The following SUMF1 variants were observed in gnomAD, a reference collection of about 807,000 sequenced individuals.
SUMF1 encodes the protein formylglycine-generating enzyme.
In SUMF1, 48 loss-of-function variants were observed where a neutral mutation model predicts 47.6. The ratio of observed to expected loss-of-function variants is 1.01; its 90% confidence interval spans 0.80 to 1.28. The LOEUF (loss-of-function observed/expected upper bound fraction) is 1.28. Ranked by LOEUF, SUMF1 falls within the 50% of genes most tolerant of loss-of-function variation. The pLI is 0.00. For synonymous variants in SUMF1, 230 were observed against 192.1 expected, an observed-to-expected ratio of 1.20 and a Z score of -1.63; for missense variants, 571 against 485.4, an observed-to-expected ratio of 1.18 and a Z score of -1.66.
At chr3:4,324,947 C>T (rs1306524115) in intron 8 of SUMF1, among the ~76,000 whole-genome samples, 1 of 152,128 alleles carries the variant, frequency 6.6e-6, no homozygotes, top group East Asian at 1.9e-4. Context: ...CACAATTTCA[C>T]TTGGCTGGGA....
intron 8 of SUMF1, among the ~76,000 whole-genome samples, chr3:4,124,747 A>G (rs1019559114): frequency 5.3e-5 from 8 of 152,128 alleles, no homozygotes; most frequent in African/African-American, 1.9e-4. Flanking sequence ...TTTTAGCAAT[A>G]CCTACCTACA....
chr3:4,381,761 T>G (rs552554749), intron 7 of SUMF1, among the ~76,000 whole-genome samples: 1 of 152,308 alleles, frequency 6.6e-6, no homozygotes, highest in East Asian at 1.9e-4. Context: ...GTCAAAAATC[T>G]TGGCCAGGTG....
intron 8 of SUMF1, among the ~76,000 whole-genome samples, chr3:4,171,625 G>A (rs1332696158): frequency 3.9e-5 from 6 of 152,100 alleles, no homozygotes. Context: ...CCTCTGATAT[G>A]GAAGCACAAA....
chr3:4,166,885 G>A (rs185022557), intron 8 of SUMF1, among the ~76,000 whole-genome samples: 88 of 152,234 alleles, frequency 5.8e-4, no homozygotes, highest in Non-Finnish European at 1.1e-3. Flanking sequence ...AGAGTCGGGG[G>A]TGGTTAGAGA....
intron 7 of SUMF1, among the ~76,000 whole-genome samples, chr3:4,402,384 A>G (rs1701239848): frequency 6.6e-6 from 1 of 152,184 alleles, no homozygotes; most frequent in Non-Finnish European, 1.5e-5. Context: ...CTCTACCTCA[A>G]TCATATCCAT....
chr3:4,062,494 G>A (rs9853856), intron 9 of SUMF1, among the ~76,000 whole-genome samples: 29,960 of 152,030 alleles, frequency 0.2, 3,800 homozygotes, highest in Middle Eastern at 0.3. Context: ...GGAAGTGGTT[G>A]GTTCATGGAC....
chr3:4,296,097 G>T (rs1014088090), intron 8 of SUMF1, among the ~76,000 whole-genome samples: 3 of 139,400 alleles, frequency 2.2e-5, no homozygotes, highest in African/African-American at 8.3e-5. Context: ...ATAGAAAAAT[G>T]ACCCATATGC....
chr3:4,233,410 A>G (rs1696344033), intron 8 of SUMF1, among the ~76,000 whole-genome samples: 1 of 151,988 alleles, frequency 6.6e-6, no homozygotes, highest in African/African-American at 2.4e-5. Flanking sequence ...AGCCGTTTTC[A>G]TTTTTAATAT....
At chr3:4,044,406 C>T (rs1694969297) in intron 9 of SUMF1, among the ~76,000 whole-genome samples, 1 of 152,188 alleles carries the variant, frequency 6.6e-6, no homozygotes, top group East Asian at 1.9e-4. Context: ...ACAATAATTA[C>T]TAACACATTG....
At chr3:4,377,211 G>C (rs1014102545) in intron 7 of SUMF1, among the ~76,000 whole-genome samples, 4 of 152,044 alleles carry the variant, frequency 2.6e-5, no homozygotes, top group Admixed American at 2.0e-4. Context: ...GCTTTATTAA[G>C]ATATAATTAA....
intron 1 of SUMF1, among the ~76,000 whole-genome samples, chr3:4,458,077 C>T (rs1299459046): frequency 6.6e-6 from 1 of 151,970 alleles, no homozygotes; most frequent in Non-Finnish European, 1.5e-5. Context: ...GCAAAGGACC[C>T]GAATAGACAT....
intron 8 of SUMF1, among the ~76,000 whole-genome samples, chr3:4,165,634 G>T (rs1004658508): frequency 2.6e-5 from 4 of 152,084 alleles, no homozygotes; most frequent in African/African-American, 9.7e-5. Context: ...AGGTCAAGCT[G>T]CAGGATAGTA....
At chr3:4,376,522 G>A (rs895831286) in intron 7 of SUMF1, 133 bp from the exon 8 acceptor site, 1 of 913,550 alleles carries the variant, frequency 1.1e-6, no homozygotes, top group Non-Finnish European at 1.8e-6. Context: ...TCCACCCCTA[G>A]GCTTTGTATC....
downstream of SUMF1, among the ~76,000 whole-genome samples, chr3:4,359,791 G>C (rs1699701952): frequency 6.6e-6 from 1 of 152,070 alleles, no homozygotes; most frequent in South Asian, 2.1e-4. Flanking sequence ...TGGGGATTAT[G>C]GGAACTACAA....
intron 8 of SUMF1, among the ~76,000 whole-genome samples, chr3:4,113,305 G>A (rs888363443): frequency 1.3e-5 from 2 of 152,088 alleles, no homozygotes; most frequent in African/African-American, 4.8e-5. Flanking sequence ...AAGGCAGGAG[G>A]ATTGCTTGAG....
In SUMF1 at chr3:4,361,505, A is replaced by G. The variant is rs886058514; in HGVS notation, c.*639T>C. ...TCACCGGCCCCATGTGGGATTCATC[A>G]TAACAACGTAAAAGACACTGATTTC... is the stretch of plus-strand genomic sequence containing the variant. On this transcript the variant is annotated 3_prime_UTR_variant, in exon 9 of 9. Transcript: ENST00000272902. 6.4e-6 allele frequency: 1 copy of G among 155,616 alleles called. No individual in the cohort carries two copies. Among genetic ancestry groups the G allele is most frequent in the African/African-American group, 2.4e-5 (1 of 41,468 alleles). The allele number at this position is 155,616 out of a possible 1,614,324, so 9.6% of individuals were successfully genotyped here. A position where few individuals can be genotyped will look rare whatever the true frequency, so the allele number is the denominator to read the frequency against.
chr3:4,043,774 A>G lies in SUMF1; in HGVS notation c.1191+24795T>C, dbSNP rs547108306. ...ACTCTTTGAATACCTTCAGGGAAAC[A>G]TACTCTATTCAAACTATGTTTCTTT... On this transcript the variant is annotated intron_variant and NMD_transcript_variant, in intron 9 of 12. Transcript: ENST00000448413. 4.6e-5 allele frequency among the ~76,000 whole-genome samples: 7 copies of G among 152,328 alleles called. No individual in the cohort carries two copies. In the South Asian group the frequency reaches 1.4e-3, roughly 32 times the overall value.
intron 3 of SUMF1, among the ~76,000 whole-genome samples, chr3:4,423,225 A>C (rs1332127514): frequency 1.3e-5 from 2 of 152,100 alleles, no homozygotes; most frequent in African/African-American, 4.8e-5. Context: ...AATTGCAAAA[A>C]TGTGGAACCA....
intron 8 of SUMF1, among the ~76,000 whole-genome samples, chr3:4,096,612 G>A (rs145089992): frequency 0.011 from 1,609 of 152,064 alleles, 19 homozygotes; most frequent in Admixed American, 0.018. Context: ...AGAATCCAAA[G>A]GAATCTAAAT....
Sources: gnomAD v4.1 joint callset for allele counts (sites outside exome capture counted in the v4.1 genomes callset) on GRCh38, gnomAD v4.1.1 for gene constraint, MANE v1.5 for transcripts, NCBI Gene and HGNC (gene_info 2026-07-23, HGNC 2026-07-21) for gene names.